CACNA2D3: variants seen among roughly 807,000 people sequenced by gnomAD.
The protein encoded by CACNA2D3 is voltage-dependent calcium channel subunit alpha-2/delta-3.
A neutral mutation model predicts 160.6 loss-of-function variants in CACNA2D3; 60 were observed. The ratio of observed to expected loss-of-function variants is 0.37; its 90% confidence interval spans 0.30 to 0.46. The LOEUF (loss-of-function observed/expected upper bound fraction) is 0.46, where lower values mean the gene tolerates loss of function less well. Among genes scored for constraint, CACNA2D3 ranks in the 20% least tolerant of loss-of-function variants. The pLI is 1.00. For synonymous variants in CACNA2D3, 558 were observed against 492.9 expected (o/e 1.13, Z -1.75); for missense variants, 1,205 against 1,365.0 (o/e 0.88, Z 1.85).
At chr3:54,215,869 G>GTTTTC (rs751000772) in intron 2 of CACNA2D3, among the ~76,000 whole-genome samples, 1 of 139,732 alleles carries the variant, frequency 7.2e-6, no homozygotes, top group African/African-American at 2.5e-5. Flanking sequence ...TGAGCTTACT[G>GTTTTC]TTTTCTTTTC....
intron 2 of CACNA2D3, among the ~76,000 whole-genome samples, chr3:54,172,477 A>G (rs1443902963): frequency 6.6e-6 from 1 of 152,136 alleles, no homozygotes; most frequent in Non-Finnish European, 1.5e-5. Context: ...TGAATGGCCC[A>G]CTACATATAG....
intron 27 of CACNA2D3, among the ~76,000 whole-genome samples, chr3:54,942,322 T>C (rs967923310): frequency 6.6e-6 from 1 of 152,166 alleles, no homozygotes; most frequent in Non-Finnish European, 1.5e-5. Flanking sequence ...GCCCAAGAAG[T>C]AGGGGCTGAC....
intron 2 of CACNA2D3, among the ~76,000 whole-genome samples, chr3:54,289,423 G>A (rs1416464082): frequency 6.6e-6 from 1 of 151,972 alleles, no homozygotes; most frequent in African/African-American, 2.4e-5. Flanking sequence ...CAAAGAAATG[G>A]AAGAACATTC....
chr3:54,292,029 T>C (rs1439680688), intron 2 of CACNA2D3, among the ~76,000 whole-genome samples: 3 of 152,138 alleles, frequency 2.0e-5, no homozygotes, highest in Admixed American at 1.3e-4. Flanking sequence ...ATCTAGTCAG[T>C]TGATTTCCAG....
rs1177572445 is a variant in CACNA2D3 at position 54,509,948 on chromosome 3, T to A, written c.544+6294T>A. ...ATGTATATGTGTGTATGCATAGGTT[T>A]GTGTCTGTATTTTCTCAGAAGTTGT... On this transcript the variant is annotated intron_variant, in intron 5 of 37. Transcript: ENST00000474759. 2.0e-5 allele frequency among the ~76,000 whole-genome samples: 3 copies of A among 152,226 alleles called. No homozygotes were observed. In the East Asian group the frequency reaches 5.8e-4, roughly 29 times the overall value.
chr3:55,066,134 G>C (rs114548439), intron 35 of CACNA2D3, among the ~76,000 whole-genome samples: 2,232 of 152,264 alleles, frequency 0.015, 22 homozygotes, highest in Non-Finnish European at 0.024. Flanking sequence ...CAGGGCAGGT[G>C]GGGGATAGGG....
At chr3:55,069,486 T>C (rs1051195759) in intron 35 of CACNA2D3, among the ~76,000 whole-genome samples, 2 of 152,122 alleles carry the variant, frequency 1.3e-5, no homozygotes, top group South Asian at 2.1e-4. Context: ...GGGCCTTTTA[T>C]ACTGATTATT....
rs1559503842 is a variant in CACNA2D3 at position 54,522,933 on chromosome 3, T to TTACTTACTTACTTAC, written c.544+19280_544+19281insACTTACTTACTTACT. Among the ~76,000 whole-genome samples the TTACTTACTTACTTAC allele has an allele frequency of 1.4e-3, 191 of 135,424 alleles. 1 individual carries two copies. The highest frequency in any genetic ancestry group is 4.8e-3 in the African/African-American group (172 of 35,536). 88.8% of individuals were successfully genotyped at this position (135,424 alleles called of 152,430 possible). A position where few individuals can be genotyped will look rare whatever the true frequency, so the allele number is the denominator to read the frequency against. On this transcript the variant is annotated intron_variant, in intron 5 of 37. Transcript: ENST00000474759. The stretch of plus-strand genomic sequence containing the variant: ...ATTTATTTATTTATTTATTTATTTA[T>TTACTTACTTACTTAC]TTACTTACTTACTTACTTACTTACT...
chr3:54,909,015 T>C (rs977184618), intron 27 of CACNA2D3, among the ~76,000 whole-genome samples: 1 of 152,218 alleles, frequency 6.6e-6, no homozygotes, highest in African/African-American at 2.4e-5. Context: ...TTAAACATGT[T>C]TCTATAAAAA....
At chr3:54,491,982 C>G (rs1052902271) in intron 4 of CACNA2D3, among the ~76,000 whole-genome samples, 2 of 152,172 alleles carry the variant, frequency 1.3e-5, no homozygotes, top group African/African-American at 4.8e-5. Flanking sequence ...GCCAGCCCAC[C>G]AGGGAGGGCA....
intron 11 of CACNA2D3, among the ~76,000 whole-genome samples, chr3:54,673,148 T>A (rs1485651606): frequency 6.6e-6 from 1 of 152,248 alleles, no homozygotes; most frequent in African/African-American, 2.4e-5. Flanking sequence ...CTTTAACAGC[T>A]GTGTAATCTG....
intron 17 of CACNA2D3, among the ~76,000 whole-genome samples, chr3:54,852,694 C>T (rs936493273): frequency 6.6e-6 from 1 of 152,166 alleles, no homozygotes; most frequent in Non-Finnish European, 1.5e-5. Context: ...GTTATTAAAT[C>T]CATGGATTGA....
chr3:54,578,571 C>T lies in CACNA2D3; in HGVS notation c.889-3232C>T, dbSNP rs374274191. 1.2e-4 allele frequency among the ~76,000 whole-genome samples: 18 copies of T among 152,358 alleles called. No individual in the cohort carries two copies. The East Asian group carries it at 3.1e-3, about 26-fold the overall frequency. On this transcript the variant is annotated intron_variant, in intron 8 of 37. Transcript: ENST00000474759. ...ACAGCTGCCTGGTGTGCACAGTTCC[C>T]TTACACACATGGCTGAGCCCGGCTC...
chr3:54,942,461 G>C (rs1701496955), intron 27 of CACNA2D3, among the ~76,000 whole-genome samples: 2 of 152,214 alleles, frequency 1.3e-5, no homozygotes, highest in African/African-American at 4.8e-5. Context: ...GAATCTTGAG[G>C]CTGGGACCTT....
intron 4 of CACNA2D3, among the ~76,000 whole-genome samples, chr3:54,392,318 T>C (rs75486104): frequency 6.6e-6 from 1 of 152,148 alleles, no homozygotes; most frequent in African/African-American, 2.4e-5. Context: ...AAAAAAAATG[T>C]CCTTTTGACA....
intron 4 of CACNA2D3, among the ~76,000 whole-genome samples, chr3:54,469,613 G>C (rs1046041625): frequency 2.6e-5 from 4 of 151,856 alleles, no homozygotes; most frequent in Admixed American, 1.3e-4. Flanking sequence ...TTCAGAAGGT[G>C]GGTAATGACA....
intron 10 of CACNA2D3, among the ~76,000 whole-genome samples, chr3:54,629,452 A>C (rs143402685): frequency 1.3e-5 from 2 of 152,220 alleles, no homozygotes; most frequent in African/African-American, 4.8e-5. Context: ...TTTAGATCTC[A>C]GTCCTGAGCC....
chr3:54,163,228 G>C (rs1700382303), intron 2 of CACNA2D3, among the ~76,000 whole-genome samples: 1 of 152,236 alleles, frequency 6.6e-6, no homozygotes, highest in South Asian at 2.1e-4. Context: ...TTATACTGCA[G>C]TAACAACCAA....
Position 54,617,601 on chromosome 3 carries a change from C to A in CACNA2D3, c.964-10186C>A, listed in dbSNP as rs531293488. Among the ~76,000 whole-genome samples the A allele has an allele frequency of 4.6e-5, 7 of 152,312 alleles. No individual in the cohort carries two copies. The South Asian group carries it at 1.4e-3, about 32-fold the overall frequency. ...GATTTTGCAAAACAAACAAACAGGG[C>A]ACTCAATTTTAAATATCAGATAACA... On this transcript the variant is annotated intron_variant, in intron 9 of 37. Coordinates refer to ENST00000474759, the MANE Select transcript of CACNA2D3 (RefSeq NM_018398.3).
Sources: gnomAD v4.1 joint callset for allele counts (sites outside exome capture counted in the v4.1 genomes callset) on GRCh38, gnomAD v4.1.1 for gene constraint, MANE v1.5 for transcripts, NCBI Gene and HGNC (gene_info 2026-07-23, HGNC 2026-07-21) for gene names.